Variants in NAV3 observed in about 807,000 individuals in gnomAD.
NAV3 encodes neuron navigator 3.
In NAV3, 87 loss-of-function variants were observed where a neutral mutation model predicts 244.7. That is an observed-to-expected ratio of 0.36 (90% CI 0.30 to 0.42). The LOEUF (loss-of-function observed/expected upper bound fraction) is 0.42. Ranked by LOEUF, NAV3 falls within the 20% of genes least tolerant of loss-of-function variation. NAV3 has a pLI of 1.00. For missense variants in NAV3, 2,663 were observed against 2,893.3 expected (o/e 0.92, Z 1.83); for synonymous variants, 1,126 against 1,042.2 (o/e 1.08, Z -1.55).
At chr12:78,038,959 G>A (rs12304269) in intron 9 of NAV3, among the ~76,000 whole-genome samples, 1 of 152,122 alleles carries the variant, frequency 6.6e-6, no homozygotes, top group African/African-American at 2.4e-5. Flanking sequence ...ATAACTTGAA[G>A]CATTTTGGTC....
At chr12:78,037,500 A>G (rs1215467363) in intron 9 of NAV3, 2 of 594,926 alleles carry the variant, frequency 3.4e-6, no homozygotes, top group African/African-American at 3.7e-5. Flanking sequence ...TGATTTTTAA[A>G]AATACATAGT....
At chr12:77,756,834 CA>C (rs200236766) in intron 2 of NAV3, among the ~76,000 whole-genome samples, 1,638 of 152,136 alleles carry the variant, frequency 0.011, 32 homozygotes, top group African/African-American at 0.037. Flanking sequence ...TATTCCTTGC[CA>C]TTAAAAAATT....
intron 12 of NAV3, among the ~76,000 whole-genome samples, chr12:78,067,781 T>A (rs1432450122): frequency 6.6e-6 from 1 of 152,120 alleles, no homozygotes; most frequent in Non-Finnish European, 1.5e-5. Flanking sequence ...TTCATAAGAC[T>A]CACCTTGACA....
intron 1 of NAV3, among the ~76,000 whole-genome samples, chr12:77,866,712 G>A (rs1300008990): frequency 6.6e-6 from 1 of 152,098 alleles, no homozygotes; most frequent in Non-Finnish European, 1.5e-5. Context: ...TATCGTAACT[G>A]TATATTGTTC....
intron 2 of NAV3, among the ~76,000 whole-genome samples, chr12:77,682,474 A>T (rs1294808168): frequency 6.6e-6 from 1 of 152,160 alleles, no homozygotes; most frequent in South Asian, 2.1e-4. Flanking sequence ...GGGAGGACAG[A>T]TATCTCTTCC....
chr12:77,957,218 C>A (rs2137761558), intron 3 of NAV3, among the ~76,000 whole-genome samples: 1 of 152,312 alleles, frequency 6.6e-6, no homozygotes, highest in Middle Eastern at 3.4e-3. Flanking sequence ...GTCTCCTCAG[C>A]TATTTTACAA....
chr12:77,604,889 C>T (rs1870602540), intron 2 of NAV3, among the ~76,000 whole-genome samples: 1 of 152,082 alleles, frequency 6.6e-6, no homozygotes, highest in South Asian at 2.1e-4. Flanking sequence ...AAAAACTAAA[C>T]TTCCTTCCAT....
rs367892189 is a variant in NAV3 at position 78,007,466 on chromosome 12, C to T, written c.1907+21C>T. On this transcript the variant is annotated intron_variant, in intron 8 of 39. Coordinates refer to ENST00000397909, the MANE Select transcript of NAV3 (RefSeq NM_001024383.2). Reference sequence around the variant, plus strand: ...TACAGGTAAGGTGGCCTCTGTTTATCCACAGTTGTAAATATATTTACAGGC... The same window carrying T: ...TACAGGTAAGGTGGCCTCTGTTTATTCACAGTTGTAAATATATTTACAGGC... The T allele has an allele frequency of 3.1e-6, 5 of 1,602,626 alleles. No individual in the cohort carries two copies. The South Asian group carries it at 5.6e-5, about 18-fold the overall frequency.
chr12:78,097,661 G>C (rs1271575158), intron 12 of NAV3, among the ~76,000 whole-genome samples: 1 of 151,938 alleles, frequency 6.6e-6, no homozygotes, highest in South Asian at 2.1e-4. Flanking sequence ...TTGTAATTTT[G>C]TTTTTAATAA....
chr12:77,573,880 A>T (rs1002046797), intron 2 of NAV3, among the ~76,000 whole-genome samples: 1 of 152,132 alleles, frequency 6.6e-6, no homozygotes, highest in Non-Finnish European at 1.5e-5. Flanking sequence ...TGCAAACACC[A>T]AAGGAATTAA....
chr12:78,155,661 A>T (rs959104068), intron 22 of NAV3, among the ~76,000 whole-genome samples: 1 of 151,892 alleles, frequency 6.6e-6, no homozygotes, highest in Non-Finnish European at 1.5e-5. Context: ...TTTCTCTGAA[A>T]CCTCTGCAGC....
chr12:78,114,122 A>G (rs942705851), intron 12 of NAV3, among the ~76,000 whole-genome samples: 1 of 152,176 alleles, frequency 6.6e-6, no homozygotes, highest in Non-Finnish European at 1.5e-5. Context: ...CAAGTTCCTC[A>G]TCTCCATCTG....
intron 2 of NAV3, among the ~76,000 whole-genome samples, chr12:77,736,807 T>C (rs979599855): frequency 6.6e-6 from 1 of 152,218 alleles, no homozygotes; most frequent in Non-Finnish European, 1.5e-5. Flanking sequence ...ATGTTGGTTA[T>C]GCCCAACAAA....
intron 2 of NAV3, among the ~76,000 whole-genome samples, chr12:77,695,814 A>G (rs776222854): frequency 5.9e-5 from 9 of 151,916 alleles, no homozygotes; most frequent in Non-Finnish European, 1.2e-4. Flanking sequence ...TTAAAGGGAG[A>G]ACTTTTAAAA....
At chr12:78,064,426 T>TCTGTCTGTCTGTCTGCCTGC (rs66686266) in intron 12 of NAV3, among the ~76,000 whole-genome samples, 95 of 136,282 alleles carry the variant, frequency 7.0e-4, no homozygotes, top group Middle Eastern at 3.7e-3. Flanking sequence ...TGTCTGTCTG[T>TCTGTCTGTCTGTCTGCCTGC]CTGCCTGCCT....
At chr12:77,773,024 C>T (rs944459269) in intron 2 of NAV3, among the ~76,000 whole-genome samples, 4 of 152,104 alleles carry the variant, frequency 2.6e-5, no homozygotes, top group African/African-American at 9.7e-5. Context: ...TCTATCATCC[C>T]AATTTTTTAA....
At chr12:77,940,240 T>A in intron 1 of NAV3, 79 bp from the exon 2 acceptor site, 1 of 1,014,866 alleles carries the variant, frequency 9.9e-7, no homozygotes, top group South Asian at 1.5e-5. Context: ...TCCCTTTGAA[T>A]CCAACATTTG....
intron 1 of NAV3, among the ~76,000 whole-genome samples, chr12:77,855,467 T>C (rs1203312313): frequency 1.3e-5 from 2 of 152,212 alleles, no homozygotes; most frequent in Non-Finnish European, 2.9e-5. Flanking sequence ...TTTTCTATTT[T>C]CTCAAAAGGT....
chr12:78,068,636 C>CAT (rs900775269), intron 12 of NAV3, among the ~76,000 whole-genome samples: 52 of 146,842 alleles, frequency 3.5e-4, no homozygotes, highest in African/African-American at 1.2e-3. Context: ...TATATAATTA[C>CAT]ATATATATAA....
Sources: allele counts gnomAD v4.1 joint callset (sites outside exome capture counted in the v4.1 genomes callset), GRCh38; gene constraint gnomAD v4.1.1; transcripts MANE v1.5; gene names NCBI Gene and HGNC (gene_info 2026-07-23, HGNC 2026-07-21).